The following CPNE4 variants were observed in gnomAD, a reference collection of about 807,000 sequenced individuals.
CPNE4 encodes the protein copine-4.
A neutral mutation model predicts 67.9 loss-of-function variants in CPNE4; 25 were observed. The observed-to-expected ratio is 0.37, with a 90% CI of 0.27 to 0.51. CPNE4 has a LOEUF of 0.51. Ranked by LOEUF, CPNE4 falls within the 20% of genes least tolerant of loss-of-function variation. The pLI, the probability that CPNE4 is intolerant of heterozygous loss-of-function variation, is 0.93. For missense variants in CPNE4, 464 were observed against 690.8 expected, an observed-to-expected ratio of 0.67 and a Z score of 3.68; for synonymous variants, 242 against 244.9, an observed-to-expected ratio of 0.99 and a Z score of 0.11.
At chr3:131,655,694 T>C (rs1409885643) in intron 7 of CPNE4, among the ~76,000 whole-genome samples, 1 of 152,194 alleles carries the variant, frequency 6.6e-6, no homozygotes, top group Non-Finnish European at 1.5e-5. Context: ...GAAAAAGTTC[T>C]GAGGATCAGA....
At chr3:131,805,628 T>C (rs1398861323) in intron 2 of CPNE4, among the ~76,000 whole-genome samples, 1 of 152,182 alleles carries the variant, frequency 6.6e-6, no homozygotes, top group Non-Finnish European at 1.5e-5. Flanking sequence ...GTCTGCTGGG[T>C]GATGCCGGCT....
intron 2 of CPNE4, among the ~76,000 whole-genome samples, chr3:131,812,234 A>G (rs944176412): frequency 6.7e-6 from 1 of 149,306 alleles, no homozygotes; most frequent in African/African-American, 2.5e-5. Flanking sequence ...AAAAAAAAAA[A>G]CAGGAAGCAT....
At chr3:131,662,430 C>CACATAT (rs1215939625) in intron 7 of CPNE4, among the ~76,000 whole-genome samples, 4 of 152,270 alleles carry the variant, frequency 2.6e-5, no homozygotes, top group African/African-American at 9.6e-5. Flanking sequence ...CATACACATA[C>CACATAT]ACATATACAT....
In CPNE4 at chr3:131,680,542, G is replaced by T. The variant is rs1410450662; in HGVS notation, c.591+5333C>A. On this transcript the variant is annotated intron_variant, in intron 6 of 15. Transcript: ENST00000429747. ...TTTAATGACTCTGTCTTGAAAAGTT[G>T]TTGTAGTTAATATTTTTTAATTTCC... is the stretch of plus-strand genomic sequence containing the variant. 2.0e-5 allele frequency among the ~76,000 whole-genome samples: 3 copies of T among 151,938 alleles called. No individual in the cohort carries two copies. The East Asian group carries it at 5.8e-4, about 29-fold the overall frequency.
intron 2 of CPNE4, among the ~76,000 whole-genome samples, chr3:131,739,119 C>T (rs1315640807): frequency 6.6e-6 from 1 of 152,172 alleles, no homozygotes; most frequent in African/African-American, 2.4e-5. Flanking sequence ...AACTTGCTGA[C>T]CCTGGAGGGA....
chr3:131,854,555 T>C (rs2107651770), intron 2 of CPNE4, among the ~76,000 whole-genome samples: 1 of 152,034 alleles, frequency 6.6e-6, no homozygotes, highest in African/African-American at 2.4e-5. Context: ...TTTAAAAAAT[T>C]GGTTAAAAAT....
intron 7 of CPNE4, among the ~76,000 whole-genome samples, chr3:131,614,933 G>C (rs1474923166): frequency 6.6e-6 from 1 of 152,098 alleles, no homozygotes; most frequent in African/African-American, 2.4e-5. Flanking sequence ...ATTGTTCTCA[G>C]GGAAAATAGA....
intron 1 of CPNE4, among the ~76,000 whole-genome samples, chr3:131,931,531 A>C (rs2071059578): frequency 6.6e-6 from 1 of 152,070 alleles, no homozygotes; most frequent in Non-Finnish European, 1.5e-5. Flanking sequence ...CTGTGGACCA[A>C]GGAAAGTTGT....
At chr3:131,968,336 A>G (rs1441718605) in intron 1 of CPNE4, among the ~76,000 whole-genome samples, 2 of 152,240 alleles carry the variant, frequency 1.3e-5, no homozygotes, top group African/African-American at 4.8e-5. Context: ...AGCAATTACA[A>G]CAAAGGCCAA....
At chr3:131,792,702 C>CACACGTGTGTATATATGTATATAT (rs2083790713) in intron 2 of CPNE4, among the ~76,000 whole-genome samples, 2 of 34,590 alleles carry the variant, frequency 5.8e-5, no homozygotes, top group African/African-American at 1.9e-4. Context: ...TATACATATA[C>CACACGTGTGTATATATGTATATAT]ACACACGTGT....
At chr3:131,957,258 T>G (rs1163952694) in intron 1 of CPNE4, among the ~76,000 whole-genome samples, 3 of 152,182 alleles carry the variant, frequency 2.0e-5, no homozygotes, top group Non-Finnish European at 4.4e-5. Context: ...GATAATAATG[T>G]CTCCATGCCC....
At chr3:131,913,133 C>T (rs555528013) in intron 1 of CPNE4, among the ~76,000 whole-genome samples, 2 of 152,194 alleles carry the variant, frequency 1.3e-5, no homozygotes, top group South Asian at 4.2e-4. Flanking sequence ...GGGCTCCCCC[C>T]ACTCCATCAG....
intron 1 of CPNE4, among the ~76,000 whole-genome samples, chr3:132,028,919 TTTTTC>T (rs1466560420): frequency 7.1e-6 from 1 of 140,266 alleles, no homozygotes; most frequent in Non-Finnish European, 1.6e-5. Context: ...ATATTCTTAA[TTTTTC>T]TTTTTTTTTT....
At chr3:131,806,215 T>A (rs1043563793) in intron 2 of CPNE4, among the ~76,000 whole-genome samples, 11 of 152,180 alleles carry the variant, frequency 7.2e-5, no homozygotes, top group African/African-American at 2.7e-4. Context: ...TGATATTTAA[T>A]TTAAAATATG....
chr3:131,666,802 GA>G (rs146049523), intron 7 of CPNE4, among the ~76,000 whole-genome samples: 3 of 151,360 alleles, frequency 2.0e-5, no homozygotes, highest in Non-Finnish European at 4.4e-5. Flanking sequence ...ATTACAGGGG[GA>G]AAAAAAAGGG....
At chr3:131,592,271 T>C (rs1377355297) in intron 7 of CPNE4, among the ~76,000 whole-genome samples, 2 of 152,182 alleles carry the variant, frequency 1.3e-5, no homozygotes, top group East Asian at 1.9e-4. Flanking sequence ...GAACAACTTA[T>C]TGTATGCTTA....
chr3:131,571,920 A>G (rs1937356963), intron 10 of CPNE4, among the ~76,000 whole-genome samples: 1 of 152,008 alleles, frequency 6.6e-6, no homozygotes, highest in Non-Finnish European at 1.5e-5. Flanking sequence ...TTTAGTATTT[A>G]TAATTAGAAT....
intron 6 of CPNE4, among the ~76,000 whole-genome samples, chr3:131,674,228 G>A (rs1487071222): frequency 6.6e-6 from 1 of 152,054 alleles, no homozygotes; most frequent in Non-Finnish European, 1.5e-5. Context: ...GGATTTCAAT[G>A]AGGATTTTTG....
intron 7 of CPNE4, among the ~76,000 whole-genome samples, chr3:131,667,469 G>C (rs1344584881): frequency 6.6e-6 from 1 of 151,770 alleles, no homozygotes; most frequent in East Asian, 1.9e-4. Context: ...GTATGTGACG[G>C]GGGTGAAATG....
Sources: allele counts gnomAD v4.1 joint callset (sites outside exome capture counted in the v4.1 genomes callset), GRCh38; gene constraint gnomAD v4.1.1; transcripts MANE v1.5; gene names NCBI Gene and HGNC (gene_info 2026-07-23, HGNC 2026-07-21).